Variants in MACROD1 observed in about 807,000 individuals in gnomAD.
MACROD1 encodes the protein ADP-ribose glycohydrolase MACROD1.
In MACROD1, 31 loss-of-function variants were observed where a neutral mutation model predicts 41.4. The observed-to-expected ratio is 0.75, with a 90% CI of 0.56 to 1.01. The LOEUF is 1.01. MACROD1 is among the 50% of genes least tolerant of loss of function. MACROD1 has a pLI of 0.00. For missense variants in MACROD1, 473 were observed against 460.0 expected (o/e 1.03, Z -0.26); for synonymous variants, 252 against 203.4 (o/e 1.24, Z -2.03).
At chr11:64,040,163 G>A (rs1183136180) in intron 3 of MACROD1, among the ~76,000 whole-genome samples, 3 of 152,232 alleles carry the variant, frequency 2.0e-5, no homozygotes, top group Non-Finnish European at 4.4e-5. Flanking sequence ...CCAGTCAGAT[G>A]TGGTGTCAGA....
intron 3 of MACROD1, among the ~76,000 whole-genome samples, chr11:64,024,194 C>T (rs1476892000): frequency 2.0e-5 from 3 of 152,236 alleles, no homozygotes; most frequent in South Asian, 2.1e-4. Flanking sequence ...TCGCTCATGG[C>T]GCAGACTCGG....
intron 3 of MACROD1, among the ~76,000 whole-genome samples, chr11:64,133,355 C>G (rs1430404471): frequency 6.6e-6 from 1 of 152,196 alleles, no homozygotes; most frequent in East Asian, 1.9e-4. Context: ...GGGACAGGGA[C>G]AGAGGGAGCC....
At chr11:64,038,490 C>A (rs572976167) in intron 3 of MACROD1, among the ~76,000 whole-genome samples, 1 of 152,270 alleles carries the variant, frequency 6.6e-6, no homozygotes, top group Admixed American at 6.5e-5. Flanking sequence ...TGTTGAGGGA[C>A]GGAGAGGTGG....
chr11:64,007,970 G>A (rs548034501), intron 4 of MACROD1, among the ~76,000 whole-genome samples: 5 of 152,258 alleles, frequency 3.3e-5, no homozygotes, highest in South Asian at 2.1e-4. Context: ...TAATCGGAGC[G>A]GCCGGAGCTG....
At chr11:64,164,634 T>C (rs1249918052) in intron 1 of MACROD1, among the ~76,000 whole-genome samples, 1 of 152,252 alleles carries the variant, frequency 6.6e-6, no homozygotes, top group African/African-American at 2.4e-5. Context: ...ACACAATTCA[T>C]GTCAGGAGTA....
chr11:64,114,343 T>TGATGGATGGATGATGGACA (rs1555025678), intron 3 of MACROD1, among the ~76,000 whole-genome samples: 2 of 136,252 alleles, frequency 1.5e-5, no homozygotes, highest in Middle Eastern at 4.9e-3. Context: ...AGTAGATACA[T>TGATGGATGGATGATGGACA]GATGGATGGA....
In MACROD1 at chr11:64,025,517, C is replaced by T. The variant is rs533836166; in HGVS notation, c.518-10236G>A. Among the ~76,000 whole-genome samples the T allele has an allele frequency of 2.0e-5, 3 of 152,328 alleles. No individual in the cohort carries two copies. The East Asian group carries it at 5.8e-4, about 29-fold the overall frequency. Reference sequence around the variant, plus strand: ...CTCACAAAACAGCAGAAGCCCCCTCCCTGCAGAGGTGTCCACTATTCTGGA... The same window carrying T: ...CTCACAAAACAGCAGAAGCCCCCTCTCTGCAGAGGTGTCCACTATTCTGGA... On this transcript the variant is annotated intron_variant, in intron 3 of 10. Coordinates refer to ENST00000255681, the MANE Select transcript of MACROD1 (RefSeq NM_014067.4).
chr11:64,080,581 A>G (rs1475249587), intron 3 of MACROD1, among the ~76,000 whole-genome samples: 1 of 152,218 alleles, frequency 6.6e-6, no homozygotes, highest in African/African-American at 2.4e-5. Context: ...GACACCCAGT[A>G]CAGTGCTCAA....
chr11:64,155,339 G>A (rs1380629197), intron 1 of MACROD1, among the ~76,000 whole-genome samples: 3 of 152,234 alleles, frequency 2.0e-5, no homozygotes, highest in Non-Finnish European at 2.9e-5. Context: ...CTGCCTCCCT[G>A]TCTGAGGACG....
At chr11:64,025,714 C>A (rs376639652) in intron 3 of MACROD1, among the ~76,000 whole-genome samples, 2,706 of 132,066 alleles carry the variant, frequency 0.02, 100 homozygotes, top group African/African-American at 0.067. Context: ...ATGGGCCCCC[C>A]CCGCTCCTTT....
At chr11:64,162,148 C>G (rs933458868) in intron 1 of MACROD1, among the ~76,000 whole-genome samples, 1 of 152,168 alleles carries the variant, frequency 6.6e-6, no homozygotes, top group African/African-American at 2.4e-5. Flanking sequence ...TTGAGAACAG[C>G]CTGGGCAACA....
chr11:64,024,441 T>C (rs958013353), intron 3 of MACROD1, among the ~76,000 whole-genome samples: 14 of 152,186 alleles, frequency 9.2e-5, no homozygotes, highest in African/African-American at 3.4e-4. Flanking sequence ...CCCAAGGTCA[T>C]GCAGCTGGGG....
intron 4 of MACROD1, chr11:64,001,811 G>A: frequency 1.4e-6 from 1 of 696,216 alleles, no homozygotes; most frequent in Non-Finnish European, 2.6e-6. Context: ...GTGCTGGGAA[G>A]TGAGTGTTCC....
intron 1 of MACROD1, among the ~76,000 whole-genome samples, chr11:64,160,012 T>C (rs1945730342): frequency 6.6e-6 from 1 of 152,098 alleles, no homozygotes; most frequent in African/African-American, 2.4e-5. Context: ...GGAAGCTGAA[T>C]TTGGCCGTCA....
intron 3 of MACROD1, chr11:64,117,345 C>T: frequency 6.2e-7 from 1 of 1,613,910 alleles, no homozygotes; most frequent in Non-Finnish European, 8.5e-7. Flanking sequence ...GTGCCAGGGC[C>T]CTGAGAAGGT....
chr11:64,038,840 G>C (rs993468330), intron 3 of MACROD1, among the ~76,000 whole-genome samples: 1 of 152,176 alleles, frequency 6.6e-6, no homozygotes, highest in Non-Finnish European at 1.5e-5. Flanking sequence ...TCCTGGGGAG[G>C]GTTTCTCTAC....
intron 3 of MACROD1, among the ~76,000 whole-genome samples, chr11:64,038,689 G>A (rs1272912197): frequency 1.3e-5 from 2 of 152,198 alleles, no homozygotes. Context: ...CAGAGATGGG[G>A]CCTGTATGGG....
chr11:64,039,612 C>A (rs990019776), intron 3 of MACROD1, among the ~76,000 whole-genome samples: 3 of 152,196 alleles, frequency 2.0e-5, no homozygotes, highest in Non-Finnish European at 2.9e-5. Context: ...TTGCCCTCCT[C>A]CCCCCGGACA....
At chr11:63,999,490 C>A in intron 7 of MACROD1, 40 bp downstream of exon 7, 1 of 1,586,812 alleles carries the variant, frequency 6.3e-7, no homozygotes. Context: ...CGTCTGGGTC[C>A]ACCGCCCACT....
Sources: gnomAD v4.1 joint callset for allele counts (sites outside exome capture counted in the v4.1 genomes callset) on GRCh38, gnomAD v4.1.1 for gene constraint, MANE v1.5 for transcripts, NCBI Gene and HGNC (gene_info 2026-07-23, HGNC 2026-07-21) for gene names.